Variants in FOCAD observed in about 807,000 individuals in gnomAD.
FOCAD encodes the protein KIAA1797.
FOCAD carries 198 observed loss-of-function variants against 225.6 expected under a neutral mutation model. That is an observed-to-expected ratio of 0.88 (90% CI 0.78 to 0.99). The LOEUF (loss-of-function observed/expected upper bound fraction) is 0.99. Ranked by LOEUF, FOCAD falls within the 50% of genes least tolerant of loss-of-function variation. The probability of loss-of-function intolerance (pLI) is 0.00; values close to 1 mark genes in which losing one functional copy is unlikely to be tolerated. For missense variants in FOCAD, 2,713 were observed against 2,123.6 expected (o/e 1.28, Z -5.46); for synonymous variants, 897 against 755.0 (o/e 1.19, Z -3.08).
At chr9:20,908,657 C>T (rs2383164) in intron 22 of FOCAD, among the ~76,000 whole-genome samples, 48,444 of 151,848 alleles carry the variant, frequency 0.32, 7,924 homozygotes, top group East Asian at 0.46. Flanking sequence ...TCAGCAGCAT[C>T]TGGGCACCCA....
At position 20,715,349 on chromosome 9, in the gene FOCAD, CA is replaced by C; in HGVS notation, c.1del. ...GCTGCACACATACATGTAAGAGAAG[CA>C]AAAATGTCAGATGATATCAGGAAAA... On this transcript the variant is annotated 5_prime_UTR_variant, in exon 2 of 44. Transcript: ENST00000338382. 6.6e-7 allele frequency: 1 copy of C among 1,515,500 alleles called. No individual in the cohort carries two copies. Among genetic ancestry groups the C allele is most frequent in the Non-Finnish European group, 8.9e-7 (1 of 1,123,974 alleles). The allele number at this position is 1,515,500 out of a possible 1,614,324, so 93.9% of individuals were successfully genotyped here. A position where few individuals can be genotyped will look rare whatever the true frequency, so the allele number is the denominator to read the frequency against.
chr9:20,954,130 T>C (rs1837927937), intron 35 of FOCAD, among the ~76,000 whole-genome samples: 1 of 152,188 alleles, frequency 6.6e-6, no homozygotes, highest in South Asian at 2.1e-4. Flanking sequence ...CATGATTTAC[T>C]TATCCTCAGT....
At chr9:20,820,700 G>C (rs1044667406) in intron 13 of FOCAD, among the ~76,000 whole-genome samples, 1 of 152,060 alleles carries the variant, frequency 6.6e-6, no homozygotes, top group African/African-American at 2.4e-5. Context: ...AATGATTAGA[G>C]CCTTTGTAAT....
chr9:20,811,907 G>T (rs951433664), intron 11 of FOCAD, among the ~76,000 whole-genome samples: 4 of 152,034 alleles, frequency 2.6e-5, no homozygotes, highest in Non-Finnish European at 5.9e-5. Context: ...TATATATCAT[G>T]CAAGCATATT....
At chr9:20,896,464 G>C (rs1420007097) in intron 21 of FOCAD, among the ~76,000 whole-genome samples, 1 of 151,854 alleles carries the variant, frequency 6.6e-6, no homozygotes, top group Non-Finnish European at 1.5e-5. Context: ...GTTTGGTAGA[G>C]TTCACCAGTG....
intron 19 of FOCAD, among the ~76,000 whole-genome samples, chr9:20,878,995 C>G (rs1247965520): frequency 6.6e-6 from 1 of 152,142 alleles, no homozygotes; most frequent in Non-Finnish European, 1.5e-5. Flanking sequence ...GGTCTCTGGA[C>G]AATTGGATGG....
At chr9:20,907,696 A>G (rs1157564334) in intron 22 of FOCAD, among the ~76,000 whole-genome samples, 1 of 151,838 alleles carries the variant, frequency 6.6e-6, no homozygotes, top group Non-Finnish European at 1.5e-5. Context: ...GTCTTCCCTA[A>G]CCTCTTAGCT....
chr9:20,713,853 A>G (rs1825077402), intron 1 of FOCAD, among the ~76,000 whole-genome samples: 1 of 152,228 alleles, frequency 6.6e-6, no homozygotes, highest in Non-Finnish European at 1.5e-5. Context: ...GGAGGAGAAA[A>G]CTACAAGAAA....
chr9:20,789,735 T>C lies in FOCAD; in HGVS notation c.1455+127T>C. On this transcript the variant is annotated intron_variant, in intron 11 of 43. Coordinates refer to ENST00000338382, the MANE Select transcript of FOCAD (RefSeq NM_001375567.1). ...TATGGGTTGATGATTTTTTTTTTTT[T>C]TGCTATCTTTATCCTTCCATTTTTT... 3 of 1,159,690 alleles carry C rather than the reference T, an allele frequency of 2.6e-6. No homozygotes were observed. In the South Asian group the frequency reaches 4.8e-5, roughly 19 times the overall value. 71.8% of individuals were successfully genotyped at this position (1,159,690 alleles called of 1,614,324 possible).
At chr9:20,936,644 C>T (rs200062267) in intron 28 of FOCAD, among the ~76,000 whole-genome samples, 9 of 152,148 alleles carry the variant, frequency 5.9e-5, no homozygotes, top group South Asian at 2.1e-4. Context: ...CTGGTTAACA[C>T]GGTGAAACCC....
At chr9:20,975,466 C>T (rs1692492828) in intron 35 of FOCAD, among the ~76,000 whole-genome samples, 1 of 152,116 alleles carries the variant, frequency 6.6e-6, no homozygotes, top group South Asian at 2.1e-4. Context: ...ACTAGAGACT[C>T]CCAAGGTACA....
At chr9:20,663,860 A>G (rs1398883694) in intron 2 of FOCAD, among the ~76,000 whole-genome samples, 2 of 152,206 alleles carry the variant, frequency 1.3e-5, no homozygotes, top group South Asian at 2.1e-4. Flanking sequence ...ATTTTCTCCC[A>G]ATCTTCATAC....
intron 5 of FOCAD, among the ~76,000 whole-genome samples, chr9:20,750,102 G>A (rs562558041): frequency 2.0e-5 from 3 of 152,220 alleles, no homozygotes; most frequent in African/African-American, 7.2e-5. Context: ...TTTCTTCTCT[G>A]AACAGTGTTG....
At chr9:20,691,290 A>G (rs996584395) in intron 1 of FOCAD, among the ~76,000 whole-genome samples, 20 of 152,102 alleles carry the variant, frequency 1.3e-4, no homozygotes, top group African/African-American at 4.8e-4. Context: ...CAAAAATACC[A>G]CAATTCCTGG....
chr9:20,902,255 C>G (rs568594354), intron 21 of FOCAD, among the ~76,000 whole-genome samples: 1 of 151,822 alleles, frequency 6.6e-6, no homozygotes, highest in African/African-American at 2.4e-5. Context: ...CACATATATA[C>G]TGGAAGTATG....
intron 2 of FOCAD, among the ~76,000 whole-genome samples, chr9:20,669,760 G>C (rs1196611877): frequency 2.0e-5 from 3 of 152,042 alleles, no homozygotes; most frequent in African/African-American, 7.3e-5. Context: ...GGGTGACAGA[G>C]CAAGACTTCA....
chr9:20,789,386 G>C lies in FOCAD; in HGVS notation c.1233G>C (p.Met411Ile). The C allele has an allele frequency of 2.5e-6, 4 of 1,614,006 alleles. No individual in the cohort carries two copies. Among genetic ancestry groups the C allele is most frequent in the Non-Finnish European group, 3.4e-6 (4 of 1,179,950 alleles). The part of the protein sequence containing the change: ...SYKLVCPVTS[M>I]YGTIFTAWRI... ...AGCTTGTGTGCCCTGTAACCAGTAT[G>C]TATGGTACAATATTTACAGCCTGGA... is the stretch of plus-strand genomic sequence containing the variant. Residue 411 changes from methionine to isoleucine, a missense_variant, in exon 11 of 44, where the codon ATG becomes ATC. By Grantham distance (10) the Met-to-Ile change is conservative (BLOSUM62 1). Coordinates refer to ENST00000338382, the MANE Select transcript of FOCAD (RefSeq NM_001375567.1).
At chr9:20,755,544 G>A (rs1053568102) in intron 5 of FOCAD, among the ~76,000 whole-genome samples, 4 of 151,986 alleles carry the variant, frequency 2.6e-5, no homozygotes, top group Non-Finnish European at 5.9e-5. Flanking sequence ...TTTTTGGTGG[G>A]GTGTGAAGGA....
At position 20,820,338 on chromosome 9, in the gene FOCAD, A is replaced by G; in HGVS notation, c.1575A>G (p.Gln525=). The G allele has an allele frequency of 3.1e-6, 5 of 1,612,212 alleles. No homozygotes were observed. Among genetic ancestry groups the G allele is most frequent in the Middle Eastern group, 1.7e-4 (1 of 6,046 alleles). Reference sequence around the variant, plus strand: ...ATATTTTCTAGGTGTGTATAGGACAAATTCTACGAATAATACAACTACTTG... The same window carrying G: ...ATATTTTCTAGGTGTGTATAGGACAGATTCTACGAATAATACAACTACTTG... ...KLGVHKVCIG[Q]ILRIIQLLGT... The change falls in exon 13 of 44, where the codon CAA becomes CAG. Residue 525 remains glutamine, a synonymous_variant. Transcript: ENST00000338382.
Sources: gnomAD v4.1 joint callset for allele counts (sites outside exome capture counted in the v4.1 genomes callset) on GRCh38, gnomAD v4.1.1 for gene constraint, MANE v1.5 for transcripts, NCBI Gene and HGNC (gene_info 2026-07-23, HGNC 2026-07-21) for gene names.